ATAD2: variants seen among roughly 807,000 people sequenced by gnomAD.
The protein encoded by ATAD2 is ATPase family AAA domain-containing protein 2.
In ATAD2, 62 loss-of-function variants were observed where a neutral mutation model predicts 168.9. The observed-to-expected ratio is 0.37, with a 90% CI of 0.30 to 0.45. The LOEUF (loss-of-function observed/expected upper bound fraction) is 0.45, where lower values mean the gene tolerates loss of function less well. Ranked by LOEUF, ATAD2 falls within the 20% of genes least tolerant of loss-of-function variation. The pLI is 1.00. For missense variants in ATAD2, 1,419 were observed against 1,667.8 expected (o/e 0.85, Z 2.60); for synonymous variants, 613 against 571.6 (o/e 1.07, Z -1.03).
intron 1 of ATAD2, among the ~76,000 whole-genome samples, chr8:123,393,403 T>C (rs1005039865): frequency 2.0e-5 from 3 of 151,466 alleles, no homozygotes; most frequent in African/African-American, 7.3e-5. Flanking sequence ...TCCAGCTACT[T>C]AGAAGGCTGA....
At chr8:123,329,981 CTTTTTTTTTTTTTT>C (rs71310666) in intron 24 of ATAD2, among the ~76,000 whole-genome samples, 1 of 100,342 alleles carries the variant, frequency 1.0e-5, no homozygotes, top group Non-Finnish European at 2.0e-5. Context: ...CCAGTGGCTT[CTTTTTTTTTTTTTT>C]TTTTTTTTTT....
At chr8:123,382,885 C>T (rs1233965987) in intron 1 of ATAD2, among the ~76,000 whole-genome samples, 1 of 152,170 alleles carries the variant, frequency 6.6e-6, no homozygotes, top group Non-Finnish European at 1.5e-5. Context: ...ACTATAAAAA[C>T]ACATGCACAC....
chr8:123,395,469 G>A (rs1376057511), intron 1 of ATAD2, among the ~76,000 whole-genome samples: 2 of 152,154 alleles, frequency 1.3e-5, no homozygotes, highest in Admixed American at 6.5e-5. Context: ...CAGCATGACG[G>A]CATAGAAAGG....
intron 1 of ATAD2, among the ~76,000 whole-genome samples, chr8:123,395,902 C>CG (rs1340286218): frequency 2.0e-5 from 3 of 152,210 alleles, no homozygotes; most frequent in Non-Finnish European, 4.4e-5. Flanking sequence ...CGAACAGCCG[C>CG]GGCTTGGCCC....
chr8:123,394,815 G>A (rs1458998194), intron 1 of ATAD2, among the ~76,000 whole-genome samples: 1 of 152,136 alleles, frequency 6.6e-6, no homozygotes, highest in African/African-American at 2.4e-5. Context: ...GCCTCTCCAG[G>A]TCTCTGCCAA....
At chr8:123,387,673 T>C (rs1159508708) in intron 1 of ATAD2, among the ~76,000 whole-genome samples, 1 of 152,172 alleles carries the variant, frequency 6.6e-6, no homozygotes, top group Non-Finnish European at 1.5e-5. Flanking sequence ...AGAGAGGAAA[T>C]GTTAGTATTT....
intron 3 of ATAD2, among the ~76,000 whole-genome samples, 184 bp from the exon 4 acceptor site, chr8:123,372,019 T>C (rs148070927): frequency 6.6e-6 from 1 of 152,152 alleles, no homozygotes; most frequent in East Asian, 1.9e-4. Flanking sequence ...TACCATAAGA[T>C]TGAGCCCACC....
chr8:123,325,999 G>C lies in ATAD2; in HGVS notation c.3896C>G (p.Ala1299Gly), dbSNP rs1452219639. The C allele has an allele frequency of 6.2e-7, 1 of 1,613,956 alleles. No individual in the cohort carries two copies. The highest frequency in any genetic ancestry group is 8.5e-7 in the Non-Finnish European group (1 of 1,179,988). Residue 1299 changes from alanine (A) to glycine (G), a missense_variant, in exon 26 of 28, where the codon GCT (alanine) becomes GGT (glycine). Ala to Gly is a moderately conservative substitution (Grantham distance 60, BLOSUM62 0). Around this residue, in one of 5 missense-constraint regions of ATAD2, gnomAD observed 303 missense variants for 304.3 expected, o/e 1.00. Transcript: ENST00000287394. Reference protein sequence around the residue: ...KEMCVLRMTRARRSQVEQQQL... With the variant: ...KEMCVLRMTRGRRSQVEQQQL... ...CTGCTGTTCTACCTGGGAACGTCTAGCTCGAGTCATTCGCAGAACACACAT... is the reference window on the plus strand; with the variant it reads ...CTGCTGTTCTACCTGGGAACGTCTACCTCGAGTCATTCGCAGAACACACAT...
chr8:123,412,959 C>T (rs1813182788), intron 1 of ATAD2, among the ~76,000 whole-genome samples: 1 of 152,084 alleles, frequency 6.6e-6, no homozygotes, highest in African/African-American at 2.4e-5. Flanking sequence ...ATGATAGGCC[C>T]CTGACCTCCT....
At chr8:123,331,687 A>G (rs931974576) in intron 24 of ATAD2, among the ~76,000 whole-genome samples, 2 of 152,164 alleles carry the variant, frequency 1.3e-5, no homozygotes, top group African/African-American at 4.8e-5. Context: ...GCTTCTTGGG[A>G]GCACTTCCAG....
chr8:123,358,776 G>C (rs1431871123), intron 11 of ATAD2, among the ~76,000 whole-genome samples: 2 of 135,240 alleles, frequency 1.5e-5, no homozygotes, highest in Admixed American at 1.7e-4. Flanking sequence ...CTGTCGCCCA[G>C]GCTGGAATGC....
At chr8:123,369,679 G>T in intron 7 of ATAD2, 142 bp downstream of exon 7, 1 of 679,736 alleles carries the variant, frequency 1.5e-6, no homozygotes, top group Non-Finnish European at 2.4e-6. Flanking sequence ...TACAAACTTA[G>T]GATAGGTAAA....
At position 123,414,373 on chromosome 8, in the gene ATAD2, T is replaced by C. The variant is rs867158550; in HGVS notation, c.-2282+1875A>G. ...GGCAAGTTGTAGAACCTACCCAGCC[T>C]AGCTTCAAAGTCCTATAGTAAGTAG... On this transcript the variant is annotated intron_variant, in intron 1 of 28. Coordinates refer to the ATAD2 transcript ENST00000521903. Among the ~76,000 whole-genome samples, 4 of 152,188 alleles carry C rather than the reference T, an allele frequency of 2.6e-5. No homozygotes were observed. In the South Asian group the frequency reaches 8.3e-4, roughly 31 times the overall value.
At chr8:123,398,947 G>A (rs1280212866), upstream of ATAD2, among the ~76,000 whole-genome samples, 7 of 152,136 alleles carry the variant, frequency 4.6e-5, no homozygotes, top group East Asian at 1.2e-3. Flanking sequence ...AAGTAGCAGA[G>A]TTTACTATTA....
At chr8:123,362,524 T>C (rs978159776) in intron 8 of ATAD2, among the ~76,000 whole-genome samples, 4 of 151,630 alleles carry the variant, frequency 2.6e-5, no homozygotes, top group African/African-American at 9.7e-5. Context: ...TGAGCAATTC[T>C]CCTGCCTCAG....
intron 13 of ATAD2, 57 bp downstream of exon 13, chr8:123,356,332 A>G: frequency 4.2e-6 from 6 of 1,427,628 alleles, no homozygotes; most frequent in Non-Finnish European, 5.9e-6. Flanking sequence ...TCTCTCACAC[A>G]TCAATACCAC....
chr8:123,336,619 T>C (rs1474525802), intron 21 of ATAD2, 87 bp from the exon 22 acceptor site: 2 of 1,000,460 alleles, frequency 2.0e-6, no homozygotes, highest in Admixed American at 3.0e-5. Flanking sequence ...ATATAGGAGA[T>C]AGAGAATAAA....
upstream of ATAD2, among the ~76,000 whole-genome samples, chr8:123,398,050 G>T (rs1812934633): frequency 6.6e-6 from 1 of 152,000 alleles, no homozygotes; most frequent in African/African-American, 2.4e-5. Flanking sequence ...ACCCTGAGAT[G>T]AAAAGACATC....
intron 8 of ATAD2, among the ~76,000 whole-genome samples, chr8:123,366,350 T>C (rs1432302253): frequency 1.3e-5 from 2 of 152,196 alleles, no homozygotes; most frequent in African/African-American, 2.4e-5. Flanking sequence ...CAAAACAGTG[T>C]GGAGATTCCC....
Sources: allele counts gnomAD v4.1 joint callset (sites outside exome capture counted in the v4.1 genomes callset), GRCh38; gene constraint gnomAD v4.1.1; regional missense constraint gnomAD v4.1.1; transcripts MANE v1.5; gene names NCBI Gene and HGNC (gene_info 2026-07-23, HGNC 2026-07-21).